DDX4: variants seen among roughly 807,000 people sequenced by gnomAD.
The protein encoded by DDX4 is probable ATP-dependent RNA helicase DDX4.
In DDX4, 25 loss-of-function variants were observed where a neutral mutation model predicts 100.0. The observed-to-expected ratio is 0.25, with a 90% CI of 0.18 to 0.35. DDX4 has a LOEUF of 0.35. Ranked by LOEUF, DDX4 falls within the 10% of genes least tolerant of loss-of-function variation. DDX4 has a pLI of 1.00. For synonymous variants in DDX4, 259 were observed against 275.7 expected (o/e 0.94, Z 0.60); for missense variants, 635 against 882.4 (o/e 0.72, Z 3.55).
intron 19 of DDX4, among the ~76,000 whole-genome samples, chr5:55,814,259 C>T (rs767571390): frequency 2.0e-5 from 3 of 152,112 alleles, no homozygotes; most frequent in Non-Finnish European, 2.9e-5. Flanking sequence ...GCATTCTAAT[C>T]AAGTAGTTGT....
chr5:55,753,515 T>C, intron 3 of DDX4, among the ~76,000 whole-genome samples: 1 of 152,222 alleles, frequency 6.6e-6, no homozygotes, highest in Admixed American at 6.5e-5. Context: ...GGCTCTGTTC[T>C]GTTCCATTGG....
chr5:55,738,990 A>T lies in DDX4; in HGVS notation c.27A>T (p.Glu9Asp). 2 of 1,608,506 alleles carry T rather than the reference A, an allele frequency of 1.2e-6. No individual in the cohort carries two copies. Among genetic ancestry groups the T allele is most frequent in the Non-Finnish European group, 1.7e-6 (2 of 1,175,316 alleles). The change falls in exon 2 of 22, where the codon GAA becomes GAT. Residue 9 changes from glutamate (E) to aspartate (D), a missense_variant. Around this residue, in one of 4 missense-constraint regions of DDX4, gnomAD observed 446 missense variants for 540.8 expected, o/e 0.82. Coordinates refer to ENST00000505374, the MANE Select transcript of DDX4 (RefSeq NM_024415.3). MGDEDWEA[E>D]INPHMSSYVP... ...TGGGAGATGAAGATTGGGAAGCAGA[A>T]ATCAACCCTCATATGTCTTCCTATG... is the stretch of plus-strand genomic sequence containing the variant.
chr5:55,761,060 T>A (rs1206036898), intron 4 of DDX4, among the ~76,000 whole-genome samples: 1 of 152,218 alleles, frequency 6.6e-6, no homozygotes, highest in Non-Finnish European at 1.5e-5. Context: ...AGATGCATGA[T>A]GTTTTATTTG....
chr5:55,757,798 C>T (rs781500790), intron 3 of DDX4, among the ~76,000 whole-genome samples: 4 of 152,138 alleles, frequency 2.6e-5, no homozygotes, highest in Non-Finnish European at 5.9e-5. Flanking sequence ...AGTCCCAGCA[C>T]TATGGGAGGC....
Position 55,816,791 on chromosome 5 carries a change from G to C in DDX4, c.*251G>C. ...ATTCTAAATGTCTTTCTTATTTCTG[G>C]TATATTCTTTAGGGGGCTTAGACAT... is the stretch of plus-strand genomic sequence containing the variant. On this transcript the variant is annotated 3_prime_UTR_variant, in exon 22 of 22. Transcript: ENST00000505374. 1 of 502,896 alleles carries C rather than the reference G, an allele frequency of 2.0e-6. No homozygotes were observed. The highest frequency in any genetic ancestry group is 3.2e-6 in the Non-Finnish European group (1 of 317,256). The allele number at this position is 502,896 out of a possible 1,614,324, so 31.2% of individuals were successfully genotyped here. A position where few individuals can be genotyped will look rare whatever the true frequency, so the allele number is the denominator to read the frequency against.
At chr5:55,741,235 C>T (rs1387707699) in intron 2 of DDX4, among the ~76,000 whole-genome samples, 1 of 152,176 alleles carries the variant, frequency 6.6e-6, no homozygotes, top group East Asian at 1.9e-4. Context: ...TCAAATCTTT[C>T]AAATTTCCCT....
At chr5:55,767,809 C>A in intron 6 of DDX4, 72 bp from the exon 7 acceptor site, 1 of 1,023,598 alleles carries the variant, frequency 9.8e-7, no homozygotes, top group Non-Finnish European at 1.4e-6. Context: ...TATCTTGTGA[C>A]AGTGCTATTC....
intron 17 of DDX4, among the ~76,000 whole-genome samples, chr5:55,793,533 T>C (rs1419622194): frequency 6.6e-6 from 1 of 152,234 alleles, no homozygotes; most frequent in Non-Finnish European, 1.5e-5. Context: ...AGCAGGACTC[T>C]TGCTATTTTC....
chr5:55,775,590 C>G (rs1304886813), intron 7 of DDX4, among the ~76,000 whole-genome samples: 1 of 152,006 alleles, frequency 6.6e-6, no homozygotes, highest in Non-Finnish European at 1.5e-5. Context: ...TGATACATAT[C>G]ATTTTAGTGT....
At chr5:55,779,343 C>CT (rs967046591) in intron 7 of DDX4, among the ~76,000 whole-genome samples, 1 of 152,152 alleles carries the variant, frequency 6.6e-6, no homozygotes, top group African/African-American at 2.4e-5. Context: ...TCATCATTCT[C>CT]TTTAAGTATA....
intron 15 of DDX4, among the ~76,000 whole-genome samples, chr5:55,788,943 T>G (rs1383495544): frequency 6.6e-6 from 1 of 152,040 alleles, no homozygotes; most frequent in Non-Finnish European, 1.5e-5. Flanking sequence ...GGTGCACCCC[T>G]GTAGTCCCAG....
intron 3 of DDX4, among the ~76,000 whole-genome samples, chr5:55,748,594 A>G (rs530921278): frequency 2.6e-5 from 4 of 152,140 alleles, no homozygotes; most frequent in Non-Finnish European, 5.9e-5. Context: ...TTGCCTGCTT[A>G]CCTTCTTCTA....
chr5:55,800,956 G>A (rs751112472), intron 18 of DDX4, among the ~76,000 whole-genome samples: 2 of 151,290 alleles, frequency 1.3e-5, no homozygotes, highest in South Asian at 2.1e-4. Flanking sequence ...AGTTTATTTC[G>A]GAGTGGCATA....
chr5:55,780,176 G>A (rs1460979546), intron 8 of DDX4, 111 bp downstream of exon 8: 7 of 1,476,716 alleles, frequency 4.7e-6, no homozygotes, highest in South Asian at 2.7e-5. Flanking sequence ...GAATAGCTTA[G>A]CTCAGTGACT....
intron 2 of DDX4, chr5:55,742,222 T>G (rs2150804286): frequency 2.2e-6 from 1 of 456,252 alleles, no homozygotes; most frequent in South Asian, 1.5e-5. Flanking sequence ...CCTGCAGGCT[T>G]ATTGGGGTGA....
At chr5:55,749,714 A>G (rs1759436899) in intron 3 of DDX4, among the ~76,000 whole-genome samples, 1 of 151,098 alleles carries the variant, frequency 6.6e-6, no homozygotes, top group Non-Finnish European at 1.5e-5. Flanking sequence ...TTTATTACTC[A>G]TGTTTGATTT....
At chr5:55,742,186 C>A in intron 2 of DDX4, 1 of 456,280 alleles carries the variant, frequency 2.2e-6, no homozygotes, top group African/African-American at 2.0e-5. Flanking sequence ...GTCCAGAAAT[C>A]TCAACCATTA....
intron 13 of DDX4, 66 bp downstream of exon 13, chr5:55,785,937 G>A: frequency 8.7e-7 from 1 of 1,154,690 alleles, no homozygotes; most frequent in Non-Finnish European, 1.3e-6. Context: ...ACATTATGTA[G>A]TTTGTAAAGC....
intron 6 of DDX4, among the ~76,000 whole-genome samples, chr5:55,765,413 A>AAAATAT (rs1392558099): frequency 0.03 from 2,470 of 82,624 alleles, 62 homozygotes; most frequent in Admixed American, 0.064. Context: ...AAAAAAAAAA[A>AAAATAT]ATATATATAT....
Sources: allele counts gnomAD v4.1 joint callset (sites outside exome capture counted in the v4.1 genomes callset), GRCh38; gene constraint gnomAD v4.1.1; regional missense constraint gnomAD v4.1.1; transcripts MANE v1.5; gene names NCBI Gene and HGNC (gene_info 2026-07-23, HGNC 2026-07-21).